Variants in PRSS27 observed in about 807,000 individuals in gnomAD.
PRSS27 encodes the protein serine protease 27, also known as channel-activating protease 2.
Under a neutral mutation model 32.0 loss-of-function variants are expected in PRSS27, and 25 were observed. The observed-to-expected ratio is 0.78, with a 90% CI of 0.57 to 1.09. PRSS27 has a LOEUF of 1.09. Ranked by LOEUF, PRSS27 falls within the 50% of genes least tolerant of loss-of-function variation. The probability of loss-of-function intolerance (pLI) is 0.00; values close to 1 mark genes in which losing one functional copy is unlikely to be tolerated. For synonymous variants in PRSS27, 178 were observed against 172.2 expected (o/e 1.03, Z -0.26); for missense variants, 401 against 394.9 (o/e 1.02, Z -0.13).
Position 2,714,628 on chromosome 16 carries a change from G to A in PRSS27, c.237-292C>T, listed in dbSNP as rs114058695. Reference sequence around the variant, plus strand: ...CACCTGTGCTGTGGGGACAGTCACAGTGCCTACCTGAAAGGCTGGCTCGGA... The same window carrying A: ...CACCTGTGCTGTGGGGACAGTCACAATGCCTACCTGAAAGGCTGGCTCGGA... On this transcript the variant is annotated intron_variant, in intron 3 of 5. Transcript: ENST00000302641. The surrounding 1 kb of genome is among the most constrained non-coding windows in gnomAD (Gnocchi z 4.7). 444 of 450,972 alleles carry A rather than the reference G, an allele frequency of 9.8e-4. 2 individuals carry two copies. Among genetic ancestry groups the A allele is most frequent in the African/African-American group, 7.8e-3 (387 of 49,556 alleles). 27.9% of individuals were successfully genotyped at this position (450,972 alleles called of 1,614,324 possible).
rs1567199943 is a variant in PRSS27, at chr16:2,714,484, A to T, written c.237-148T>A. On this transcript the variant is annotated intron_variant, in intron 3 of 5. Transcript: ENST00000302641. This position sits in a 1 kb window ranked among gnomAD's most constrained non-coding sequence, Gnocchi z 4.7. ...AGTCATCTCTAGGACAGCCAGGTGC[A>T]GCGGTGATGCGTGTTGACATTGAAG... 1 of 876,758 alleles carries T rather than the reference A, an allele frequency of 1.1e-6. No homozygotes were observed. Among genetic ancestry groups the T allele is most frequent in the Non-Finnish European group, 1.8e-6 (1 of 567,618 alleles). The allele number at this position is 876,758 out of a possible 1,614,324, so 54.3% of individuals were successfully genotyped here. A position where few individuals can be genotyped will look rare whatever the true frequency, so the allele number is the denominator to read the frequency against.
Position 2,714,170 on chromosome 16 carries a change from G to A in PRSS27, c.403C>T (p.Pro135Ser), listed in dbSNP as rs1220674073. The A allele has an allele frequency of 3.7e-6, 6 of 1,614,058 alleles. No homozygotes were observed. In the South Asian group the frequency reaches 6.6e-5, roughly 18 times the overall value. Residue 135 changes from proline to serine, a missense_variant, in exon 4 of 6, where the codon CCC becomes TCC. Coordinates refer to ENST00000302641, the MANE Select transcript of PRSS27 (RefSeq NM_031948.5). The surrounding 1 kb of genome is among the most constrained non-coding windows in gnomAD (Gnocchi z 4.7). ...ACGGGGAGGATGTAATTGGTGAAGG[G>A]CACTGGTGCCTCCAGCTCCACCAGG... ...VALVELEAPVPFTNYILPVCL... is the reference protein window; with the variant it reads ...VALVELEAPVSFTNYILPVCL...
rs755226900 is a variant in PRSS27, at chr16:2,713,649, G to C, written c.558C>G (p.Ile186Met). 6.2e-7 allele frequency: 1 copy of C among 1,614,210 alleles called. No homozygotes were observed. The highest frequency in any genetic ancestry group is 2.2e-5 in the East Asian group (1 of 44,878). Residue 186 changes from isoleucine (I) to methionine (M), a missense_variant, in exon 5 of 6, where the codon ATC (isoleucine) becomes ATG (methionine). Transcript: ENST00000302641. ...AGAGCAGGTTGCACTTGGGTGTGTC[G>C]ATGATGGGCACAGCGAGTTTCTGCA... ...RILQKLAVPIIDTPKCNLLYS... is the reference protein window; with the variant it reads ...RILQKLAVPIMDTPKCNLLYS...
rs751343026 is a variant in PRSS27 at position 2,714,270 on chromosome 16, G to A, written c.303C>T (p.His101=). Residue 101 remains histidine, a synonymous_variant, in exon 4 of 6, where the codon CAC becomes CAT. Transcript: ENST00000302641. The surrounding 1 kb of genome is among the most constrained non-coding windows in gnomAD (Gnocchi z 4.7). The part of the protein sequence containing the change: ...GARQLVQPGP[H]AMYARVRQVE... ...CCTGCCTCACCCGGGCATACATAGC[G>A]TGTGGTCCCGGCTGCACTAGCTGCC... 9.9e-6 allele frequency: 16 copies of A among 1,613,308 alleles called. No homozygotes were observed. The highest frequency in any genetic ancestry group is 1.6e-4 in the Middle Eastern group (1 of 6,082).
chr16:2,714,373 C>G lies in PRSS27; in HGVS notation c.237-37G>C. 1 of 1,604,220 alleles carries G rather than the reference C, an allele frequency of 6.2e-7. No homozygotes were observed. Among genetic ancestry groups the G allele is most frequent in the Non-Finnish European group, 8.5e-7 (1 of 1,178,916 alleles). Reference sequence around the variant, plus strand: ...AACAGAGAGGCGGCGTGAGGCGGCCCCTCGTGTGGGGACAGGCCCGGGAGG... The same window carrying G: ...AACAGAGAGGCGGCGTGAGGCGGCCGCTCGTGTGGGGACAGGCCCGGGAGG... On this transcript the variant is annotated intron_variant, in intron 3 of 5. Coordinates refer to ENST00000302641, the MANE Select transcript of PRSS27 (RefSeq NM_031948.5). This position sits in a 1 kb window ranked among gnomAD's most constrained non-coding sequence, Gnocchi z 4.7.
intron 5 of PRSS27, 97 bp downstream of exon 5, chr16:2,713,432 T>G: frequency 2.3e-6 from 3 of 1,291,082 alleles, no homozygotes; most frequent in Non-Finnish European, 3.4e-6. Flanking sequence ...GCTGCTCAGC[T>G]GGTTGAATGC....
chr16:2,713,823 C>A, intron 4 of PRSS27, 125 bp from the exon 5 acceptor site: 1 of 1,144,460 alleles, frequency 8.7e-7, no homozygotes, highest in Non-Finnish European at 1.3e-6. Context: ...GCTTAGGGCA[C>A]TGTGGGGCAG....
Position 2,712,774 on chromosome 16 carries a change from G to T in PRSS27, c.719C>A (p.Ser240Ter). 1 of 1,588,204 alleles carries T rather than the reference G, an allele frequency of 6.3e-7. No individual in the cohort carries two copies. The highest frequency in any genetic ancestry group is 2.3e-5 in the East Asian group (1 of 43,864). ...GGPLVCLVGQ[S>*]WLQAGVISWG... Reference sequence around the variant, plus strand: ...GCTGATCACCCCCGCCTGCAGCCACGACTGACCCACGAGGCACACCAGGGG... The same window carrying T: ...GCTGATCACCCCCGCCTGCAGCCACTACTGACCCACGAGGCACACCAGGGG... Residue 240 changes from serine (S) to a stop codon, truncating the protein, a stop_gained, in exon 6 of 6, where the codon TCG becomes TAG. Coordinates refer to ENST00000302641, the MANE Select transcript of PRSS27 (RefSeq NM_031948.5). LOFTEE classifies it high-confidence loss of function. The surrounding 1 kb of genome is among the most constrained non-coding windows in gnomAD (Gnocchi z 4.6).
chr16:2,712,641 C>A lies in PRSS27; in HGVS notation c.852G>T (p.Ala284=). The change falls in exon 6 of 6, where the codon GCG becomes GCT. Residue 284 remains alanine (A), a synonymous_variant. Coordinates refer to ENST00000302641, the MANE Select transcript of PRSS27 (RefSeq NM_031948.5). The surrounding 1 kb of genome is among the most constrained non-coding windows in gnomAD (Gnocchi z 4.6). ...RIIPKLQFQP[A]RLGGQK ...GGTCTCACTTCTGGCCGCCCAACCT[C>A]GCTGGCTGGAACTGCAGTTTGGGGA... 1.3e-6 allele frequency: 2 copies of A among 1,590,430 alleles called. No homozygotes were observed. Among genetic ancestry groups the A allele is most frequent in the East Asian group, 2.3e-5 (1 of 43,678 alleles).
chr16:2,716,822 C>T (rs2067705218), intron 1 of PRSS27: 3 of 492,356 alleles, frequency 6.1e-6, no homozygotes, highest in Non-Finnish European at 1.1e-5. Flanking sequence ...TAGATGTCCC[C>T]TTCTCATCCT....
rs2142065711 is a variant in PRSS27 at position 2,714,395 on chromosome 16, G to A, written c.237-59C>T. On this transcript the variant is annotated intron_variant, in intron 3 of 5. Transcript: ENST00000302641. The surrounding 1 kb of genome is among the most constrained non-coding windows in gnomAD (Gnocchi z 4.7). Reference sequence around the variant, plus strand: ...GCCCCTCGTGTGGGGACAGGCCCGGGAGGGGCTGGGGCTCCTCTGGCCACC... The same window carrying A: ...GCCCCTCGTGTGGGGACAGGCCCGGAAGGGGCTGGGGCTCCTCTGGCCACC... 2 of 1,585,500 alleles carry A rather than the reference G, an allele frequency of 1.3e-6. No individual in the cohort carries two copies. Among genetic ancestry groups the A allele is most frequent in the East Asian group, 2.3e-5 (1 of 44,340 alleles).
chr16:2,715,837 C>G lies in PRSS27; in HGVS notation c.117G>C (p.Gln39His), dbSNP rs1391468566. The part of the protein sequence containing the change: ...PRMLNRMVGG[Q>H]DTQEGEWPWQ... ...AGGGCCACTCGCCCTCCTGCGTGTCCTGCCCGCCCACCATTCGGTTCAGCA... is the reference window on the plus strand; with the variant it reads ...AGGGCCACTCGCCCTCCTGCGTGTCGTGCCCGCCCACCATTCGGTTCAGCA... The change falls in exon 3 of 6, where the codon CAG (glutamine) becomes CAC (histidine). Residue 39 changes from glutamine to histidine, a missense_variant. Physicochemically the swap from Gln to His is conservative, Grantham distance 24 (BLOSUM62 0). Transcript: ENST00000302641. 1 of 1,603,200 alleles carries G rather than the reference C, an allele frequency of 6.2e-7. No homozygotes were observed. The highest frequency in any genetic ancestry group is 1.3e-5 in the African/African-American group (1 of 74,660).
Position 2,714,410 on chromosome 16 carries a change from C to A in PRSS27, c.237-74G>T. 1 of 1,516,182 alleles carries A rather than the reference C, an allele frequency of 6.6e-7. No individual in the cohort carries two copies. The highest frequency in any genetic ancestry group is 8.9e-7 in the Non-Finnish European group (1 of 1,120,944). 93.9% of individuals were successfully genotyped at this position (1,516,182 alleles called of 1,614,324 possible). ...ACAGGCCCGGGAGGGGCTGGGGCTC[C>A]TCTGGCCACCACCGTGCCCCACACC... On this transcript the variant is annotated intron_variant, in intron 3 of 5. Transcript: ENST00000302641. The surrounding 1 kb of genome is among the most constrained non-coding windows in gnomAD (Gnocchi z 4.7).
chr16:2,713,088 G>C (rs1230204509), intron 5 of PRSS27: 8 of 531,206 alleles, frequency 1.5e-5, no homozygotes, highest in Middle Eastern at 4.9e-4. Flanking sequence ...TGGGGTCCAG[G>C]AATCTGCTTT....
intron 1 of PRSS27, 156 bp from the exon 2 acceptor site, chr16:2,716,682 T>A: frequency 4.2e-6 from 3 of 717,124 alleles, no homozygotes; most frequent in Non-Finnish European, 7.0e-6. Flanking sequence ...GGGCCTGCAG[T>A]TTCCCCCCCA....
At chr16:2,718,394 T>C (rs756062932) in intron 1 of PRSS27, 1 of 150,680 alleles carries the variant, frequency 6.6e-6, no homozygotes, top group Non-Finnish European at 1.5e-5. Flanking sequence ...CTCAGCTCAC[T>C]GCAAGCTCCG....
Position 2,713,982 on chromosome 16 carries a change from A to T in PRSS27, c.508+83T>A, listed in dbSNP as rs2067683396. ...TATGTATTAATATAGCAACAGGAAG[A>T]TTGTGGGTTCAGAGTGGTCCCCAAG... On this transcript the variant is annotated intron_variant, in intron 4 of 5. Coordinates refer to ENST00000302641, the MANE Select transcript of PRSS27 (RefSeq NM_031948.5). The T allele has an allele frequency of 5.0e-6, 7 of 1,398,580 alleles. No individual in the cohort carries two copies. In the East Asian group the frequency reaches 1.6e-4, roughly 32 times the overall value. 86.6% of individuals were successfully genotyped at this position (1,398,580 alleles called of 1,614,324 possible).
chr16:2,718,934 G>A (rs1358277066), intron 1 of PRSS27, among the ~76,000 whole-genome samples: 1 of 152,142 alleles, frequency 6.6e-6, no homozygotes, highest in Non-Finnish European at 1.5e-5. Context: ...CGCCCTGTGG[G>A]GGCTGGAAGC....
intron 1 of PRSS27, among the ~76,000 whole-genome samples, chr16:2,719,267 G>A (rs1404755514): frequency 3.3e-5 from 5 of 152,220 alleles, no homozygotes; most frequent in African/African-American, 1.2e-4. Context: ...GGGAGACTGG[G>A]GGCATGGGGT....
Sources: allele counts gnomAD v4.1 joint callset (sites outside exome capture counted in the v4.1 genomes callset), GRCh38; gene constraint gnomAD v4.1.1; non-coding constraint Gnocchi (gnomAD v3.1); transcripts MANE v1.5; gene names NCBI Gene and HGNC (gene_info 2026-07-23, HGNC 2026-07-21).